Variants in NKIRAS1 observed in about 807,000 individuals in gnomAD.
NKIRAS1 encodes the protein NFKB inhibitor interacting Ras like 1.
Under a neutral mutation model 19.8 loss-of-function variants are expected in NKIRAS1, and 16 were observed. That is an observed-to-expected ratio of 0.81 (90% CI 0.55 to 1.23). NKIRAS1 has a LOEUF of 1.23. Ranked by LOEUF, NKIRAS1 falls within the 50% of genes most tolerant of loss-of-function variation. NKIRAS1 has a pLI of 0.00. For synonymous variants in NKIRAS1, 88 were observed against 79.0 expected (o/e 1.11, Z -0.61); for missense variants, 184 against 220.0 (o/e 0.84, Z 1.04).
chr3:23,945,674 AGG>A (rs915122669), intron 1 of NKIRAS1: 1 of 221,962 alleles, frequency 4.5e-6, no homozygotes. Flanking sequence ...GGGCGGCGGC[AGG>A]GGGTGTCCCC....
upstream of NKIRAS1, chr3:23,921,577 T>TG: frequency 3.0e-6 from 2 of 661,020 alleles, no homozygotes; most frequent in Admixed American, 2.3e-5. Flanking sequence ...TGAGTTTTTT[T>TG]TTTTTTTTTT....
Position 23,892,807 on chromosome 3 carries a change from C to A in NKIRAS1, c.*288G>T. 4.7e-6 allele frequency: 1 copy of A among 212,682 alleles called. No homozygotes were observed. Among genetic ancestry groups the A allele is most frequent in the Non-Finnish European group, 9.3e-6 (1 of 107,944 alleles). The allele number at this position is 212,682 out of a possible 1,614,324, so 13.2% of individuals were successfully genotyped here. A position where few individuals can be genotyped will look rare whatever the true frequency, so the allele number is the denominator to read the frequency against. ...CACATAGGTGCATTTGCATAACTAT[C>A]CAAACTATTTTACTGTTTTCACAAG... On this transcript the variant is annotated 3_prime_UTR_variant, in exon 5 of 5. Transcript: ENST00000425478.
Position 23,893,308 on chromosome 3 carries a change from G to A in NKIRAS1, c.366C>T (p.Ile122=), listed in dbSNP as rs1467049461. The A allele has an allele frequency of 3.7e-6, 6 of 1,613,360 alleles. No individual in the cohort carries two copies. The African/African-American group carries it at 4.0e-5, about 11-fold the overall frequency. ...CCACTTGTCTCTGCTCAGAAAGGTC[G>A]ATTTTGTTTCCTAATACCACAATTG... is the stretch of plus-strand genomic sequence containing the variant. ...EVAIVVLGNK[I]DLSEQRQVDA... is the part of the protein sequence containing the mutation. Residue 122 remains isoleucine (I), a synonymous_variant, in exon 5 of 5, where the codon ATC becomes ATT. Transcript: ENST00000425478.
intron 1 of NKIRAS1, among the ~76,000 whole-genome samples, chr3:23,942,910 G>A (rs1705533333): frequency 6.6e-6 from 1 of 152,000 alleles, no homozygotes; most frequent in Non-Finnish European, 1.5e-5. Context: ...ACCAAACCCG[G>A]CTAATTTTTG....
intron 1 of NKIRAS1, among the ~76,000 whole-genome samples, chr3:23,935,052 CT>C (rs1017026286): frequency 6.6e-6 from 1 of 152,046 alleles, no homozygotes; most frequent in African/African-American, 2.4e-5. Context: ...TTTCTCAGTT[CT>C]TTTTATTTTT....
intron 1 of NKIRAS1, among the ~76,000 whole-genome samples, chr3:23,941,039 A>G (rs1705486368): frequency 6.6e-6 from 1 of 152,236 alleles, no homozygotes; most frequent in African/African-American, 2.4e-5. Context: ...GGTCTTCAAC[A>G]ATTTTAAGAG....
rs180985679 is a variant in NKIRAS1 at position 23,906,720 on chromosome 3, C to T, written c.94+4091G>A. Among the ~76,000 whole-genome samples the T allele has an allele frequency of 4.6e-4, 70 of 150,842 alleles. 1 individual carries two copies. The highest frequency in any genetic ancestry group is 1.7e-3 in the African/African-American group (69 of 41,032). ...AGGCTGCAGTGAGGTGAGATGGCAT[C>T]ACTATACTCCAGTCTGGGAGACACA... On this transcript the variant is annotated intron_variant, in intron 3 of 4. Coordinates refer to ENST00000425478, the MANE Select transcript of NKIRAS1 (RefSeq NM_020345.4).
upstream of NKIRAS1, among the ~76,000 whole-genome samples, chr3:23,921,338 T>G (rs1298092479): frequency 6.6e-6 from 1 of 152,182 alleles, no homozygotes; most frequent in Non-Finnish European, 1.5e-5. Flanking sequence ...GCTTTCATGA[T>G]CTTCCCACTT....
intron 3 of NKIRAS1, among the ~76,000 whole-genome samples, chr3:23,903,547 A>G (rs1435235413): frequency 6.6e-6 from 1 of 152,192 alleles, no homozygotes; most frequent in Admixed American, 6.5e-5. Flanking sequence ...CAAACAAACA[A>G]AAAACTACCT....
chr3:23,917,015 A>C (rs1459728444), upstream of NKIRAS1: 1 of 152,608 alleles, frequency 6.6e-6, no homozygotes, highest in African/African-American at 2.4e-5. Flanking sequence ...CCCACTCGGC[A>C]GAACTCCGCC....
intron 1 of NKIRAS1, among the ~76,000 whole-genome samples, chr3:23,943,800 T>C (rs1014522609): frequency 6.6e-6 from 1 of 152,100 alleles, no homozygotes; most frequent in African/African-American, 2.4e-5. Flanking sequence ...TAGGGAACTG[T>C]GTTTAGAAGG....
At chr3:23,918,114 C>A, upstream of NKIRAS1, 1 of 1,477,352 alleles carries the variant, frequency 6.8e-7, no homozygotes, top group Non-Finnish European at 9.2e-7. Context: ...ACACTGCTGC[C>A]TCAGTGTCTT....
chr3:23,928,704 A>G (rs73036719), intron 1 of NKIRAS1, among the ~76,000 whole-genome samples: 5,904 of 151,368 alleles, frequency 0.039, 147 homozygotes, highest in Middle Eastern at 0.075. Context: ...AAAAAAAAAA[A>G]AAAAAGGCCG....
chr3:23,905,886 C>T (rs1352888514), intron 3 of NKIRAS1, among the ~76,000 whole-genome samples: 1 of 151,564 alleles, frequency 6.6e-6, no homozygotes, highest in Non-Finnish European at 1.5e-5. Flanking sequence ...AGGCCGGGTG[C>T]AGTGGCTCAT....
At position 23,937,301 on chromosome 3, in the gene NKIRAS1, G is replaced by A. The variant is rs183656922; in HGVS notation, c.-140+9022C>T. 2.6e-5 allele frequency among the ~76,000 whole-genome samples: 4 copies of A among 152,078 alleles called. No individual in the cohort carries two copies. In the East Asian group the frequency reaches 7.7e-4, roughly 29 times the overall value. On this transcript the variant is annotated intron_variant, in intron 1 of 4. Transcript: ENST00000421515. ...CACGAGAATCGCCTGAACCTGGGAG[G>A]AGGAGAGATGGAGGGCCATAGACTC...
At chr3:23,896,098 G>A (rs1575062695) in intron 4 of NKIRAS1, among the ~76,000 whole-genome samples, 2 of 126,268 alleles carry the variant, frequency 1.6e-5, no homozygotes, top group African/African-American at 6.1e-5. Flanking sequence ...TCATGCCACT[G>A]CACTCCAGCC....
intron 3 of NKIRAS1, among the ~76,000 whole-genome samples, chr3:23,908,143 A>T (rs1345162945): frequency 6.6e-6 from 1 of 152,200 alleles, no homozygotes; most frequent in Non-Finnish European, 1.5e-5. Context: ...AACAAAAGTG[A>T]TATGGAAGAC....
rs1437237876 is a variant in NKIRAS1, at chr3:23,893,228, A to C, written c.446T>G (p.Val149Gly). 6.2e-7 allele frequency: 1 copy of C among 1,613,960 alleles called. No homozygotes were observed. The highest frequency in any genetic ancestry group is 1.7e-5 in the Admixed American group (1 of 59,994). Reference sequence around the variant, plus strand: ...CAGAGTTTTCCGATCTGTAACAGTCACCTCCCACAGTCTTACTTTCTCACT... The same window carrying C: ...CAGAGTTTTCCGATCTGTAACAGTCCCCTCCCACAGTCTTACTTTCTCACT... ...AKSEKVRLWE[V>G]TVTDRKTLIE... The change falls in exon 5 of 5, where the codon GTG (valine) becomes GGG (glycine). Residue 149 changes from valine (V) to glycine (G), a missense_variant. Val to Gly is a moderately radical substitution (Grantham distance 109). Transcript: ENST00000425478.
At chr3:23,905,856 A>T (rs1302913389) in intron 3 of NKIRAS1, among the ~76,000 whole-genome samples, 6 of 151,846 alleles carry the variant, frequency 4.0e-5, no homozygotes, top group Non-Finnish European at 8.8e-5. Flanking sequence ...TCTAGGAAAC[A>T]GGAAATCAAA....
Sources: allele counts gnomAD v4.1 joint callset (sites outside exome capture counted in the v4.1 genomes callset), GRCh38; gene constraint gnomAD v4.1.1; transcripts MANE v1.5; gene names NCBI Gene and HGNC (gene_info 2026-07-23, HGNC 2026-07-21).